Variants in ADARB2 observed in about 807,000 individuals in gnomAD.
The protein encoded by ADARB2 is inactive double-stranded RNA-specific editase B2.
In ADARB2, 25 loss-of-function variants were observed where a neutral mutation model predicts 62.2. That is an observed-to-expected ratio of 0.40 (90% CI 0.29 to 0.56). The LOEUF is 0.56. Among genes scored for constraint, ADARB2 ranks in the 20% least tolerant of loss-of-function variants. The probability of loss-of-function intolerance (pLI) is 0.43; values close to 1 mark genes in which losing one functional copy is unlikely to be tolerated. For missense variants in ADARB2, 1,071 were observed against 1,077.4 expected, an observed-to-expected ratio of 0.99 and a Z score of 0.08; for synonymous variants, 572 against 500.8, an observed-to-expected ratio of 1.14 and a Z score of -1.90.
chr10:1,653,608 C>T (rs569823098), intron 1 of ADARB2, among the ~76,000 whole-genome samples: 1 of 142,756 alleles, frequency 7.0e-6, no homozygotes, highest in Non-Finnish European at 1.5e-5. Flanking sequence ...CTCCACCCAA[C>T]GCCTTCTGTG....
chr10:1,558,654 T>G (rs1832744427), intron 1 of ADARB2, among the ~76,000 whole-genome samples: 2 of 125,552 alleles, frequency 1.6e-5, no homozygotes, highest in East Asian at 2.4e-4. Flanking sequence ...CCTCCGTGGG[T>G]GCTCAGCACC....
intron 3 of ADARB2, among the ~76,000 whole-genome samples, chr10:1,361,913 G>C (rs1832261050): frequency 1.3e-5 from 2 of 152,208 alleles, no homozygotes. Flanking sequence ...TTCCTTGATT[G>C]ATGCCAAAAT....
rs967713067 is a variant in ADARB2 at position 1,181,713 on chromosome 10, C to T, written c.*1480G>A. ...GCTGGGATTCTTTCCGGGAAGCCCA[C>T]ACCCCAGAGGTGGACACCACCATGC... On this transcript the variant is annotated 3_prime_UTR_variant, in exon 10 of 10. Coordinates refer to ENST00000381312, the MANE Select transcript of ADARB2 (RefSeq NM_018702.4). 1 of 152,224 alleles carries T rather than the reference C, an allele frequency of 6.6e-6. No homozygotes were observed. Among genetic ancestry groups the T allele is most frequent in the Admixed American group, 6.5e-5 (1 of 15,288 alleles). 9.4% of individuals were successfully genotyped at this position (152,224 alleles called of 1,614,324 possible). A position where few individuals can be genotyped will look rare whatever the true frequency, so the allele number is the denominator to read the frequency against.
chr10:1,576,162 G>C (rs1383778581), intron 1 of ADARB2, among the ~76,000 whole-genome samples: 1 of 143,116 alleles, frequency 7.0e-6, no homozygotes, highest in Non-Finnish European at 1.5e-5. Flanking sequence ...GGTCACAGGA[G>C]GGGGGTTCAG....
At chr10:1,279,135 C>T (rs1042685309) in intron 3 of ADARB2, among the ~76,000 whole-genome samples, 4 of 152,194 alleles carry the variant, frequency 2.6e-5, no homozygotes, top group South Asian at 2.1e-4. Flanking sequence ...CGGAAATTAA[C>T]GTTCTTAATG....
intron 1 of ADARB2, among the ~76,000 whole-genome samples, chr10:1,550,833 C>T (rs944369263): frequency 6.6e-6 from 1 of 150,608 alleles, no homozygotes; most frequent in African/African-American, 2.4e-5. Context: ...AGAGTCTCCG[C>T]CTAACGGTCC....
At chr10:1,711,397 C>G (rs1368897407) in intron 1 of ADARB2, among the ~76,000 whole-genome samples, 1 of 152,178 alleles carries the variant, frequency 6.6e-6, no homozygotes, top group Non-Finnish European at 1.5e-5. Context: ...AAACTCCTAC[C>G]CCTGGCGGAG....
chr10:1,256,584 T>G (rs1831081265), intron 4 of ADARB2, among the ~76,000 whole-genome samples: 1 of 152,160 alleles, frequency 6.6e-6, no homozygotes, highest in Admixed American at 6.5e-5. Flanking sequence ...TACATAGAAT[T>G]TGGGGTAGGA....
At chr10:1,698,165 G>A (rs1415393599) in intron 1 of ADARB2, among the ~76,000 whole-genome samples, 1 of 152,178 alleles carries the variant, frequency 6.6e-6, no homozygotes, top group African/African-American at 2.4e-5. Context: ...TGTTTAATCA[G>A]ATGGTAAAGA....
intron 1 of ADARB2, among the ~76,000 whole-genome samples, chr10:1,412,512 T>C (rs1832767896): frequency 6.6e-6 from 1 of 152,180 alleles, no homozygotes; most frequent in Non-Finnish European, 1.5e-5. Flanking sequence ...AGCAATTATA[T>C]CCATACATTC....
chr10:1,596,532 C>A (rs1833338175), intron 1 of ADARB2, among the ~76,000 whole-genome samples: 1 of 152,186 alleles, frequency 6.6e-6, no homozygotes, highest in South Asian at 2.1e-4. Flanking sequence ...CTGAGTGAAG[C>A]CCCCTGGAGA....
chr10:1,642,275 G>C (rs1202296023), intron 1 of ADARB2, among the ~76,000 whole-genome samples: 1 of 152,150 alleles, frequency 6.6e-6, no homozygotes, highest in Non-Finnish European at 1.5e-5. Context: ...CATTGTCGGT[G>C]CTCAATGATT....
chr10:1,530,950 C>G (rs528322729), intron 1 of ADARB2, among the ~76,000 whole-genome samples: 2 of 152,134 alleles, frequency 1.3e-5, no homozygotes, highest in Admixed American at 1.3e-4. Context: ...GGTCTCAGTA[C>G]TCAGCACGCA....
intron 1 of ADARB2, chr10:1,394,873 TTTTTCTTTTC>T (rs200095999): frequency 6.6e-6 from 3 of 457,070 alleles, no homozygotes; most frequent in East Asian, 1.4e-4. Flanking sequence ...CACAGGTCAT[TTTTTCTTTTC>T]TTTTCTTTTC....
intron 1 of ADARB2, among the ~76,000 whole-genome samples, chr10:1,417,820 C>T (rs999648585): frequency 3.3e-5 from 5 of 152,238 alleles, no homozygotes; most frequent in Non-Finnish European, 5.9e-5. Context: ...ACAGTAGATG[C>T]CTGCATGGCA....
chr10:1,491,419 T>C (rs1430457757), intron 1 of ADARB2, among the ~76,000 whole-genome samples: 2 of 152,146 alleles, frequency 1.3e-5, no homozygotes, highest in African/African-American at 2.4e-5. Flanking sequence ...TAACTGGAGT[T>C]TTACAATCTT....
At chr10:1,544,038 A>C (rs1832481625) in intron 1 of ADARB2, among the ~76,000 whole-genome samples, 1 of 149,304 alleles carries the variant, frequency 6.7e-6, no homozygotes, top group Non-Finnish European at 1.5e-5. Context: ...AACACACAAA[A>C]TGGTGACCTC....
chr10:1,224,676 A>G (rs552164341), intron 6 of ADARB2, among the ~76,000 whole-genome samples: 6 of 152,180 alleles, frequency 3.9e-5, no homozygotes, highest in East Asian at 3.9e-4. Flanking sequence ...CCTTCATTTC[A>G]TTATGTACCC....
chr10:1,473,652 G>A (rs552197449), intron 1 of ADARB2, among the ~76,000 whole-genome samples: 1 of 152,326 alleles, frequency 6.6e-6, no homozygotes, highest in African/African-American at 2.4e-5. Flanking sequence ...AAAGTGTTGG[G>A]ATTACAGGCA....
Sources: gnomAD v4.1 joint callset for allele counts (sites outside exome capture counted in the v4.1 genomes callset) on GRCh38, gnomAD v4.1.1 for gene constraint, MANE v1.5 for transcripts, NCBI Gene and HGNC (gene_info 2026-07-23, HGNC 2026-07-21) for gene names.